Variants in LMF1 observed in about 807,000 individuals in gnomAD.
LMF1 encodes transmembrane protein 112.
LMF1 carries 68 observed loss-of-function variants against 60.6 expected under a neutral mutation model. The observed-to-expected ratio is 1.12, with a 90% CI of 0.92 to 1.37. The LOEUF (loss-of-function observed/expected upper bound fraction) is 1.37, where lower values mean the gene tolerates loss of function less well. Ranked by LOEUF, LMF1 falls within the 40% of genes most tolerant of loss-of-function variation. The probability of loss-of-function intolerance (pLI) is 0.00; values close to 1 mark genes in which losing one functional copy is unlikely to be tolerated. For synonymous variants in LMF1, 418 were observed against 324.7 expected (o/e 1.29, Z -3.09); for missense variants, 948 against 767.2 (o/e 1.24, Z -2.78).
intron 10 of LMF1, among the ~76,000 whole-genome samples, chr16:867,318 C>A (rs1239579445): frequency 1.3e-5 from 2 of 152,224 alleles, no homozygotes; most frequent in Non-Finnish European, 2.9e-5. Context: ...TTTTCCAGCA[C>A]CTCCTGGCTG....
intron 1 of LMF1, chr16:978,992 G>C (rs778516448): frequency 2.2e-6 from 1 of 453,996 alleles, no homozygotes; most frequent in South Asian, 1.6e-5. Context: ...CCTTCCTGAA[G>C]TCCCCGCCTC....
At position 944,628 on chromosome 16, in the gene LMF1, T is replaced by A. The variant is rs564538516; in HGVS notation, c.503+9729A>T. 3.4e-3 allele frequency among the ~76,000 whole-genome samples: 515 copies of A among 152,302 alleles called. 12 individuals are homozygous for A. Among genetic ancestry groups the A allele is most frequent in the Admixed American group, 0.031 (469 of 15,306 alleles). On this transcript the variant is annotated intron_variant, in intron 2 of 10. Transcript: ENST00000262301. ...GCTGACGGTTTCATAGTGGGGAGGC[T>A]CGTCCTGCACCTGCCACTCTGCCAT...
chr16:974,280 G>A (rs1398466227), upstream of LMF1, among the ~76,000 whole-genome samples: 2 of 152,346 alleles, frequency 1.3e-5, no homozygotes, highest in East Asian at 3.9e-4. Flanking sequence ...GATCGGCCAG[G>A]TGTGGTCCTT....
chr16:975,372 G>C (rs1221653069), upstream of LMF1, among the ~76,000 whole-genome samples: 2 of 152,046 alleles, frequency 1.3e-5, no homozygotes, highest in South Asian at 4.2e-4. Context: ...GAAGCCTTGA[G>C]AGTTGCCTGG....
In LMF1 at chr16:895,181, G is replaced by C. The variant is rs575094454; in HGVS notation, c.664-2109C>G. On this transcript the variant is annotated intron_variant, in intron 4 of 10. Transcript: ENST00000262301. ...GGCCTGAGGCCTGCCGGGGCCATCAGGACCTCCAGAGCAGGGGCCGGAGCT... is the reference window on the plus strand; with the variant it reads ...GGCCTGAGGCCTGCCGGGGCCATCACGACCTCCAGAGCAGGGGCCGGAGCT... Among the ~76,000 whole-genome samples the C allele has an allele frequency of 3.7e-3, 562 of 152,206 alleles. 7 individuals are homozygous for C. The highest frequency in any genetic ancestry group is 0.013 in the African/African-American group (536 of 41,532).
At chr16:959,996 T>C (rs1175910032) in intron 1 of LMF1, among the ~76,000 whole-genome samples, 6 of 151,800 alleles carry the variant, frequency 4.0e-5, no homozygotes, top group African/African-American at 1.2e-4. Flanking sequence ...AGAGAAGCAA[T>C]CAAATGTGTG....
intron 3 of LMF1, chr16:931,782 C>A: frequency 7.8e-7 from 1 of 1,286,806 alleles, no homozygotes; most frequent in Non-Finnish European, 1.0e-6. Context: ...TCCAAAGTGA[C>A]GTGCTGAGCC....
At chr16:915,153 C>T (rs535893098) in intron 3 of LMF1, among the ~76,000 whole-genome samples, 1 of 152,340 alleles carries the variant, frequency 6.6e-6, no homozygotes, top group South Asian at 2.1e-4. Flanking sequence ...AAAACTCACC[C>T]TAGATCCGCC....
At chr16:939,610 G>A (rs1036101999) in intron 2 of LMF1, among the ~76,000 whole-genome samples, 2 of 152,340 alleles carry the variant, frequency 1.3e-5, no homozygotes, top group Admixed American at 6.5e-5. Flanking sequence ...CTGTGTCTGC[G>A]GCGACCCGGC....
intron 4 of LMF1, among the ~76,000 whole-genome samples, chr16:907,456 G>C (rs547671493): frequency 6.6e-6 from 1 of 152,186 alleles, no homozygotes; most frequent in African/African-American, 2.4e-5. Context: ...CTTGAGGCCT[G>C]CAGCTGACGT....
chr16:866,420 G>C (rs1478041758), intron 10 of LMF1, among the ~76,000 whole-genome samples: 2 of 152,152 alleles, frequency 1.3e-5, no homozygotes, highest in Non-Finnish European at 2.9e-5. Context: ...TGCTGGCTGG[G>C]TGGTGGTGAA....
upstream of LMF1, among the ~76,000 whole-genome samples, chr16:971,301 C>G (rs1819359676): frequency 6.6e-6 from 1 of 152,240 alleles, no homozygotes; most frequent in African/African-American, 2.4e-5. Flanking sequence ...TTCCGTCAGT[C>G]CGAGTTGCAG....
intron 5 of LMF1, among the ~76,000 whole-genome samples, chr16:884,719 A>C (rs2070256866): frequency 6.6e-6 from 1 of 152,018 alleles, no homozygotes; most frequent in South Asian, 2.1e-4. Flanking sequence ...TGTTAGGTGG[A>C]GGGAGAATGA....
intron 3 of LMF1, among the ~76,000 whole-genome samples, chr16:913,183 C>G (rs967460313): frequency 6.6e-6 from 1 of 152,346 alleles, no homozygotes; most frequent in East Asian, 1.9e-4. Context: ...GGGACGGCTC[C>G]GGGAGGGCCC....
chr16:946,002 C>G (rs2072230351), intron 2 of LMF1, among the ~76,000 whole-genome samples: 1 of 152,214 alleles, frequency 6.6e-6, no homozygotes, highest in South Asian at 2.1e-4. Context: ...AGGAAACCCT[C>G]TGGAAACAGC....
chr16:954,983 C>T (rs376252468), intron 1 of LMF1, among the ~76,000 whole-genome samples: 2 of 145,288 alleles, frequency 1.4e-5, no homozygotes, highest in African/African-American at 2.6e-5. Flanking sequence ...TCTAAGTGAA[C>T]CAGACACGTT....
At chr16:976,359 T>C (rs1375317639) in intron 1 of LMF1, 1 of 454,112 alleles carries the variant, frequency 2.2e-6, no homozygotes, top group Admixed American at 2.3e-5. Flanking sequence ...AGTCCAGGTG[T>C]CTGGCGTCAG....
At chr16:967,815 C>T (rs1417131039) in intron 1 of LMF1, among the ~76,000 whole-genome samples, 1 of 152,210 alleles carries the variant, frequency 6.6e-6, no homozygotes, top group East Asian at 1.9e-4. Flanking sequence ...AATCGCTGCA[C>T]AGCCGGGCCA....
At chr16:976,795 G>A in intron 1 of LMF1, 1 of 454,112 alleles carries the variant, frequency 2.2e-6, no homozygotes, top group South Asian at 1.6e-5. Flanking sequence ...TGGGGAGAGA[G>A]CAGTGCTGGT....
Sources: gnomAD v4.1 joint callset for allele counts (sites outside exome capture counted in the v4.1 genomes callset) on GRCh38, gnomAD v4.1.1 for gene constraint, MANE v1.5 for transcripts, NCBI Gene and HGNC (gene_info 2026-07-23, HGNC 2026-07-21) for gene names.